Variants in BCAS1 observed in about 807,000 individuals in gnomAD.
BCAS1 encodes the protein brain enriched myelin associated protein 1, also known as breast carcinoma-amplified sequence 1.
Under a neutral mutation model 65.4 loss-of-function variants are expected in BCAS1, and 46 were observed. The observed-to-expected ratio is 0.70, with a 90% CI of 0.55 to 0.90. The LOEUF (loss-of-function observed/expected upper bound fraction) is 0.90. Ranked by LOEUF, BCAS1 falls within the 40% of genes least tolerant of loss-of-function variation. The probability of loss-of-function intolerance (pLI) is 0.00; values close to 1 mark genes in which losing one functional copy is unlikely to be tolerated. For synonymous variants in BCAS1, 298 were observed against 293.5 expected (o/e 1.02, Z -0.16); for missense variants, 793 against 771.2 (o/e 1.03, Z -0.33).
chr20:53,998,274 A>G (rs2090970341), intron 4 of BCAS1, among the ~76,000 whole-genome samples: 1 of 152,172 alleles, frequency 6.6e-6, no homozygotes, highest in African/African-American at 2.4e-5. Flanking sequence ...GGACGATTGT[A>G]TTGGGCCATT....
At chr20:53,953,833 A>AT in intron 11 of BCAS1, 138 bp from the exon 12 acceptor site, 1 of 1,069,250 alleles carries the variant, frequency 9.4e-7, no homozygotes, top group Non-Finnish European at 1.3e-6. Context: ...TGAAATGAAT[A>AT]TAAAAAAAGG....
rs1269178015 is a variant in BCAS1, at chr20:53,962,912, G to A, written c.1485+3994C>T. ...GTCGCCCAGGCTGGAGTGCAGTGGCGCGATCTCAGCTCACTGCAAGCTCTG... is the reference window on the plus strand; with the variant it reads ...GTCGCCCAGGCTGGAGTGCAGTGGCACGATCTCAGCTCACTGCAAGCTCTG... On this transcript the variant is annotated intron_variant, in intron 10 of 12. Transcript: ENST00000688948. 2.6e-5 allele frequency among the ~76,000 whole-genome samples: 4 copies of A among 151,948 alleles called. No individual in the cohort carries two copies. In the South Asian group the frequency reaches 6.3e-4, roughly 24 times the overall value.
intron 3 of BCAS1, among the ~76,000 whole-genome samples, chr20:54,035,536 T>A (rs555694413): frequency 6.6e-6 from 1 of 150,684 alleles, no homozygotes; most frequent in South Asian, 2.1e-4. Context: ...CAGAATGATA[T>A]TATTAAAAAG....
intron 3 of BCAS1, among the ~76,000 whole-genome samples, chr20:54,036,703 G>A (rs1295148139): frequency 6.6e-6 from 1 of 151,026 alleles, no homozygotes; most frequent in Non-Finnish European, 1.5e-5. Context: ...GTAGATGATT[G>A]GTATTCGGTA....
chr20:54,001,681 AC>A (rs2145890273), intron 4 of BCAS1, among the ~76,000 whole-genome samples: 1 of 152,220 alleles, frequency 6.6e-6, no homozygotes, highest in South Asian at 2.1e-4. Flanking sequence ...CAATCTGCCC[AC>A]CAAACTGACC....
At chr20:53,963,005 CAT>C (rs1283572488) in intron 10 of BCAS1, among the ~76,000 whole-genome samples, 30 of 152,072 alleles carry the variant, frequency 2.0e-4, no homozygotes, top group African/African-American at 7.2e-4. Context: ...CGCCCGCCAC[CAT>C]GCCCGGCTAG....
chr20:53,993,671 C>A (rs891120695), intron 6 of BCAS1, among the ~76,000 whole-genome samples: 1 of 152,164 alleles, frequency 6.6e-6, no homozygotes, highest in African/African-American at 2.4e-5. Context: ...GAGCCTTTTA[C>A]GCTATGTGGC....
chr20:54,065,161 T>TATCA (rs766896610), intron 1 of BCAS1, among the ~76,000 whole-genome samples: 3 of 132,636 alleles, frequency 2.3e-5, no homozygotes, highest in Middle Eastern at 3.6e-3. Context: ...TCTATCTATC[T>TATCA]ATCATCTACT....
chr20:54,049,593 A>G (rs2092174741), intron 3 of BCAS1, among the ~76,000 whole-genome samples: 1 of 151,378 alleles, frequency 6.6e-6, no homozygotes, highest in Non-Finnish European at 1.5e-5. Flanking sequence ...TTTTAAATAG[A>G]GATGGGGTCT....
Position 54,066,351 on chromosome 20 carries a change from C to T in BCAS1, c.-6+4082G>A, listed in dbSNP as rs564705872. Among the ~76,000 whole-genome samples the T allele has an allele frequency of 4.8e-4, 73 of 152,322 alleles. No homozygotes were observed. The East Asian group carries it at 7.5e-3, about 16-fold the overall frequency. On this transcript the variant is annotated intron_variant, in intron 1 of 12. Transcript: ENST00000688948. ...CCTCCCAAAGTGCTGGGATTACAGG[C>T]GTGAGCCACCGGGCCCGGCCGAGGC...
intron 5 of BCAS1, among the ~76,000 whole-genome samples, chr20:53,995,627 A>G (rs2090887336): frequency 6.6e-6 from 1 of 152,192 alleles, no homozygotes; most frequent in South Asian, 2.1e-4. Context: ...CAATTGCAAT[A>G]GAATTCCATT....
intron 8 of BCAS1, among the ~76,000 whole-genome samples, chr20:53,980,700 C>T (rs1220006189): frequency 1.3e-5 from 2 of 152,192 alleles, no homozygotes; most frequent in African/African-American, 2.4e-5. Flanking sequence ...TGTATTATAG[C>T]GTCCTCTTTG....
At chr20:53,980,984 T>A (rs2090462260) in intron 8 of BCAS1, among the ~76,000 whole-genome samples, 1 of 152,218 alleles carries the variant, frequency 6.6e-6, no homozygotes, top group Non-Finnish European at 1.5e-5. Context: ...ATCTACGGGA[T>A]CCTGTTTGGA....
Position 54,018,920 on chromosome 20 carries a change from T to C in BCAS1, c.723+9472A>G, listed in dbSNP as rs2091499482. 3.9e-5 allele frequency among the ~76,000 whole-genome samples: 6 copies of C among 152,188 alleles called. No homozygotes were observed. In the South Asian group the frequency reaches 1.2e-3, roughly 32 times the overall value. ...CTTAAGGGACAGTCACAACTCACAT[T>C]CTGTCTGGAAATATAGGGCAAAACT... On this transcript the variant is annotated intron_variant, in intron 4 of 12. Transcript: ENST00000688948.
chr20:54,005,367 G>A (rs909520935), intron 4 of BCAS1, among the ~76,000 whole-genome samples: 1 of 117,218 alleles, frequency 8.5e-6, no homozygotes, highest in African/African-American at 2.8e-5. Flanking sequence ...ATGCACCTGT[G>A]GTCCTAGCTA....
Position 53,995,075 on chromosome 20 carries a change from C to G in BCAS1, c.883-19G>C. On this transcript the variant is annotated intron_variant, in intron 5 of 12. Transcript: ENST00000688948. The stretch of plus-strand genomic sequence containing the variant: ...GTGAAACCTTAAAAGTTTGAGAAAG[C>G]CAAATATTAGAAATCATTGCTCTTT... 1 of 1,604,104 alleles carries G rather than the reference C, an allele frequency of 6.2e-7. No homozygotes were observed.
intron 3 of BCAS1, among the ~76,000 whole-genome samples, chr20:54,053,364 C>T (rs964051751): frequency 7.9e-5 from 12 of 152,282 alleles, no homozygotes; most frequent in Admixed American, 3.3e-4. Flanking sequence ...GCACTCTACA[C>T]GATACATTTC....
intron 6 of BCAS1, among the ~76,000 whole-genome samples, chr20:53,993,536 TG>T (rs1457501715): frequency 3.3e-5 from 5 of 152,164 alleles, no homozygotes; most frequent in Non-Finnish European, 5.9e-5. Flanking sequence ...TTTTATCAGC[TG>T]GGTACGTTCA....
intron 10 of BCAS1, 61 bp downstream of exon 10, chr20:53,966,845 A>C: frequency 6.7e-7 from 1 of 1,491,128 alleles, no homozygotes; most frequent in African/African-American, 1.4e-5. Context: ...GCATGAGCCC[A>C]TTGTTCCCAG....
Sources: gnomAD v4.1 joint callset for allele counts (sites outside exome capture counted in the v4.1 genomes callset) on GRCh38, gnomAD v4.1.1 for gene constraint, MANE v1.5 for transcripts, NCBI Gene and HGNC (gene_info 2026-07-23, HGNC 2026-07-21) for gene names.